Variants in CCDC159 observed in about 807,000 individuals in gnomAD.
CCDC159 encodes the protein coiled-coil domain-containing protein 159.
CCDC159 carries 40 observed loss-of-function variants against 50.9 expected under a neutral mutation model. The observed-to-expected ratio is 0.79, with a 90% confidence interval of 0.61 to 1.02. The LOEUF (loss-of-function observed/expected upper bound fraction) is 1.02, where lower values mean the gene tolerates loss of function less well. Among genes scored for constraint, CCDC159 ranks in the 50% least tolerant of loss-of-function variants. The probability of loss-of-function intolerance (pLI) is 0.00; values close to 1 mark genes in which losing one functional copy is unlikely to be tolerated. For synonymous variants in CCDC159, 146 were observed against 138.9 expected, an observed-to-expected ratio of 1.05 and a Z score of -0.36; for missense variants, 356 against 371.5, an observed-to-expected ratio of 0.96 and a Z score of 0.34.
Position 11,352,231 on chromosome 19 carries a change from C to G in CCDC159, c.567+98C>G, listed in dbSNP as rs753591522. 2.5e-6 allele frequency: 3 copies of G among 1,195,710 alleles called. No homozygotes were observed. In the South Asian group the frequency reaches 3.8e-5, roughly 15 times the overall value. The allele number at this position is 1,195,710 out of a possible 1,614,324, so 74.1% of individuals were successfully genotyped here. ...ATGAGATTGGAGCCTGGGTTCAAAT[C>G]TCAGCTCTGCCACTCACTGCTGTGT... On this transcript the variant is annotated intron_variant, in intron 7 of 10. Transcript: ENST00000458408.
intron 7 of CCDC159, 136 bp from the exon 8 acceptor site, chr19:11,353,315 T>C: frequency 1.2e-6 from 1 of 837,476 alleles, no homozygotes; most frequent in Non-Finnish European, 1.8e-6. Context: ...TTAGCCAGGA[T>C]GGTCTCAATC....
In CCDC159 at chr19:11,354,684, T is replaced by G. The variant is rs756006438; in HGVS notation, c.877T>G (p.Ser293Ala). The part of the protein sequence containing the change: ...SQPPFSKSGR[S>A]FPPA ...GCCACCTTTCAGCAAGAGCGGCCGC[T>G]CCTTCCCACCCGGTGCAGATCCTCC... Residue 293 changes from serine (S) to alanine (A), a missense_variant, in exon 10 of 11, where the codon TCC (serine) becomes GCC (alanine). Physicochemically the swap from Ser to Ala is moderately conservative, Grantham distance 99 (BLOSUM62 1). Coordinates refer to ENST00000458408, the MANE Select transcript of CCDC159 (RefSeq NM_001080503.3). 15 of 1,607,626 alleles carry G rather than the reference T, an allele frequency of 9.3e-6. No homozygotes were observed. The highest frequency in any genetic ancestry group is 1.3e-5 in the Non-Finnish European group (15 of 1,177,066).
Position 11,350,875 on chromosome 19 carries a change from G to A in CCDC159, c.294G>A (p.Arg98=). The A allele has an allele frequency of 1.3e-6, 2 of 1,551,954 alleles. No individual in the cohort carries two copies. Among genetic ancestry groups the A allele is most frequent in the Non-Finnish European group, 1.7e-6 (2 of 1,147,746 alleles). The change falls in exon 5 of 11, where the codon CGG becomes CGA. Residue 98 remains arginine, a synonymous_variant. Coordinates refer to ENST00000458408, the MANE Select transcript of CCDC159 (RefSeq NM_001080503.3). ...ACAAGTGGGGCATGGAGCAGGGCCG[G>A]CAGGAGCTGTATGGGGCCCTGACCC... ...EEHKWGMEQG[R]QELYGALTQG... is the part of the protein sequence containing the mutation.
intron 1 of CCDC159, chr19:11,348,294 T>G (rs1967379762): frequency 2.7e-6 from 1 of 374,874 alleles, no homozygotes; most frequent in African/African-American, 2.1e-5. Flanking sequence ...TTTGTTGTTG[T>G]TTTTTATTTT....
At chr19:11,353,622 C>T (rs1350532163) in intron 8 of CCDC159, 50 bp downstream of exon 8, 3 of 1,602,922 alleles carry the variant, frequency 1.9e-6, no homozygotes, top group African/African-American at 2.7e-5. Context: ...GAACCCGTTC[C>T]CCCAACGGGA....
At chr19:11,351,998 G>T (rs777788159) in intron 6 of CCDC159, 25 bp downstream of exon 6, 46 of 1,611,948 alleles carry the variant, frequency 2.9e-5, no homozygotes, top group South Asian at 1.1e-4. Flanking sequence ...CCCACAGCCG[G>T]TGTGTGGGGA....
chr19:11,346,684 G>A (rs540129611), intron 1 of CCDC159, 57 bp downstream of exon 1: 2 of 1,540,314 alleles, frequency 1.3e-6, no homozygotes, highest in East Asian at 4.9e-5. Context: ...AACCCAGGGG[G>A]CGGAGCCAGG....
chr19:11,349,665 G>C lies in CCDC159; in HGVS notation c.33G>C (p.Glu11Asp). The C allele has an allele frequency of 6.2e-7, 1 of 1,612,968 alleles. No individual in the cohort carries two copies. The highest frequency in any genetic ancestry group is 2.2e-5 in the East Asian group (1 of 44,876). MGEHEQVKPLETSSSKVKAKT... is the reference protein window; with the variant it reads MGEHEQVKPLDTSSSKVKAKT... ...TCTCTCTTCCTTAGAAGCCCTTGGA[G>C]ACCAGCTCTTCCAAAGTCAAAGGTG... The change falls in exon 2 of 11, where the codon GAG (glutamate) becomes GAC (aspartate). Residue 11 changes from glutamate (E) to aspartate (D), a missense_variant. Transcript: ENST00000458408.
At chr19:11,351,067 A>T (rs1967546323) in intron 5 of CCDC159, 64 bp downstream of exon 5, 141 of 1,182,510 alleles carry the variant, frequency 1.2e-4, no homozygotes, top group Middle Eastern at 4.3e-4. Flanking sequence ...GAACTGGGGA[A>T]TGGAGGCAGG....
chr19:11,351,816 G>C, intron 5 of CCDC159, 90 bp from the exon 6 acceptor site: 1 of 1,149,136 alleles, frequency 8.7e-7, no homozygotes, highest in South Asian at 1.3e-5. Flanking sequence ...AGGGGACAGA[G>C]CTTGCGGGGA....
At position 11,351,016 on chromosome 19, in the gene CCDC159, G is replaced by A. The variant is rs1599384349; in HGVS notation, c.422+13G>A. On this transcript the variant is annotated intron_variant, in intron 5 of 10. Transcript: ENST00000458408. ...AGATCCGGGACAGGTCGGGGATGGC[G>A]GGAGGGCAGCTTGGAGTCCACAGGA... 2.2e-5 allele frequency: 34 copies of A among 1,534,650 alleles called. No individual in the cohort carries two copies. The highest frequency in any genetic ancestry group is 2.7e-5 in the Non-Finnish European group (31 of 1,137,206).
intron 1 of CCDC159, among the ~76,000 whole-genome samples, chr19:11,348,440 C>G (rs1426063131): frequency 2.6e-5 from 4 of 152,186 alleles, no homozygotes; most frequent in Non-Finnish European, 5.9e-5. Context: ...AGGCGCCCAC[C>G]ACCATGCCCA....
chr19:11,349,942 G>A lies in CCDC159; in HGVS notation c.60G>A (p.Lys20=). 6.2e-7 allele frequency: 1 copy of A among 1,613,712 alleles called. No homozygotes were observed. ...CACCCTCTTCTCTGCCCACAGCCAA[G>A]ACCATTGTGATGATTCCCGACTCCC... ...LETSSSKVKA[K]TIVMIPDSQK... Residue 20 remains lysine, a synonymous_variant, in exon 3 of 11, where the codon AAG becomes AAA. Transcript: ENST00000458408.
At chr19:11,354,377 G>A (rs1037560870) in intron 9 of CCDC159, among the ~76,000 whole-genome samples, 2 of 152,044 alleles carry the variant, frequency 1.3e-5, no homozygotes, top group Non-Finnish European at 2.9e-5. Context: ...GCAACAGAGC[G>A]AGACCCCATC....
chr19:11,348,439 C>T (rs894965283), intron 1 of CCDC159, among the ~76,000 whole-genome samples: 1 of 152,184 alleles, frequency 6.6e-6, no homozygotes, highest in Non-Finnish European at 1.5e-5. Context: ...CAGGCGCCCA[C>T]CACCATGCCC....
intron 7 of CCDC159, among the ~76,000 whole-genome samples, chr19:11,353,000 C>T (rs1319911351): frequency 6.6e-6 from 1 of 152,146 alleles, no homozygotes; most frequent in Non-Finnish European, 1.5e-5. Flanking sequence ...CCTACCTGAT[C>T]AGGTGTCTGT....
chr19:11,348,732 C>T (rs1052252559), intron 1 of CCDC159: 1 of 488,112 alleles, frequency 2.0e-6, no homozygotes, highest in African/African-American at 1.9e-5. Context: ...AAAGCAGCCC[C>T]TGCTTCCCTA....
At chr19:11,349,749 C>T (rs903562824) in intron 2 of CCDC159, 62 bp downstream of exon 2, 3 of 1,376,990 alleles carry the variant, frequency 2.2e-6, no homozygotes, top group Non-Finnish European at 3.1e-6. Flanking sequence ...TACCTCTACC[C>T]TCTGCCCCAG....
Position 11,353,494 on chromosome 19 carries a change from G to C in CCDC159, c.611G>C (p.Cys204Ser). The change falls in exon 8 of 11, where the codon TGT becomes TCT. Residue 204 changes from cysteine to serine, a missense_variant. By Grantham distance (112) the Cys-to-Ser change is moderately radical. Transcript: ENST00000458408. The stretch of plus-strand genomic sequence containing the variant: ...CAGCAGGGTCATGAGACAGCCGCCT[G>C]TCCGGAGACTGAAGAGATACCGCAG... ...MKQQGHETAACPETEEIPQGA... is the reference protein window; with the variant it reads ...MKQQGHETAASPETEEIPQGA... The C allele has an allele frequency of 6.2e-7, 1 of 1,608,588 alleles. No individual in the cohort carries two copies. The highest frequency in any genetic ancestry group is 2.2e-5 in the East Asian group (1 of 44,690).
Sources: allele counts gnomAD v4.1 joint callset (sites outside exome capture counted in the v4.1 genomes callset), GRCh38; gene constraint gnomAD v4.1.1; transcripts MANE v1.5; gene names NCBI Gene and HGNC (gene_info 2026-07-23, HGNC 2026-07-21).